Variants in CHRNA9 observed in about 807,000 individuals in gnomAD.
The protein encoded by CHRNA9 is cholinergic receptor nicotinic alpha 9 subunit, also known as neuronal acetylcholine receptor subunit alpha-9.
In CHRNA9, 24 loss-of-function variants were observed where a neutral mutation model predicts 36.8. The observed-to-expected ratio is 0.65, with a 90% CI of 0.47 to 0.92. CHRNA9 has a LOEUF of 0.92. CHRNA9 is among the 40% of genes least tolerant of loss of function. The pLI is 0.00. For missense variants in CHRNA9, 610 were observed against 601.2 expected (o/e 1.01, Z -0.15); for synonymous variants, 231 against 231.8 (o/e 1.00, Z 0.03).
At chr4:40,337,693 G>A (rs1300203681) in intron 3 of CHRNA9, among the ~76,000 whole-genome samples, 1 of 152,168 alleles carries the variant, frequency 6.6e-6, no homozygotes, top group Non-Finnish European at 1.5e-5. Flanking sequence ...CAGTTCTGGA[G>A]TTGAGATGCC....
rs1270071539 is a variant in CHRNA9 at position 40,354,575 on chromosome 4, TATTCCA to T, written c.*58_*63del. On this transcript the variant is annotated 3_prime_UTR_variant, in exon 5 of 5. Transcript: ENST00000310169. ...GAAATTAATACAATTCCCTGTGATCTATTCCAATGTTCTTCCAAGATTTTTGTTCAT... is the reference window on the plus strand; with the variant it reads ...GAAATTAATACAATTCCCTGTGATCTATGTTCTTCCAAGATTTTTGTTCAT... 7.3e-7 allele frequency: 1 copy of T among 1,370,172 alleles called. No individual in the cohort carries two copies. Among genetic ancestry groups the T allele is most frequent in the East Asian group, 2.3e-5 (1 of 43,342 alleles). The allele number at this position is 1,370,172 out of a possible 1,614,324, so 84.9% of individuals were successfully genotyped here.
intron 3 of CHRNA9, among the ~76,000 whole-genome samples, chr4:40,346,278 C>T (rs1452197383): frequency 6.6e-6 from 1 of 152,222 alleles, no homozygotes; most frequent in East Asian, 1.9e-4. Flanking sequence ...TCATGGTGAC[C>T]TACTTCATGC....
chr4:40,344,570 G>A (rs184993691), intron 3 of CHRNA9, among the ~76,000 whole-genome samples: 167 of 151,464 alleles, frequency 1.1e-3, no homozygotes, highest in African/African-American at 4.0e-3. Flanking sequence ...TTAGGTTTTT[G>A]GTAGTTTGCT....
intron 4 of CHRNA9, among the ~76,000 whole-genome samples, chr4:40,351,770 G>A (rs1029597169): frequency 5.3e-5 from 8 of 152,088 alleles, no homozygotes; most frequent in African/African-American, 1.9e-4. Flanking sequence ...CGTCAATGTC[G>A]TGAATTACAT....
intron 3 of CHRNA9, among the ~76,000 whole-genome samples, chr4:40,340,201 G>C (rs903013941): frequency 6.6e-6 from 1 of 152,070 alleles, no homozygotes; most frequent in Non-Finnish European, 1.5e-5. Flanking sequence ...TGTCCACATT[G>C]TCCCTTCCCC....
intron 4 of CHRNA9, among the ~76,000 whole-genome samples, 192 bp from the exon 5 acceptor site, chr4:40,353,787 C>G (rs1224761689): frequency 6.6e-6 from 1 of 152,216 alleles, no homozygotes; most frequent in Non-Finnish European, 1.5e-5. Flanking sequence ...CAGGCTACAC[C>G]ATTCAACCTA....
intron 4 of CHRNA9, among the ~76,000 whole-genome samples, chr4:40,351,173 A>T (rs1165429748): frequency 4.0e-5 from 6 of 151,336 alleles, no homozygotes; most frequent in Non-Finnish European, 7.4e-5. Flanking sequence ...CCCCATCTCT[A>T]TAAAAAGAAT....
intron 1 of CHRNA9, 94 bp downstream of exon 1, chr4:40,335,625 T>C (rs1712294207): frequency 2.7e-6 from 3 of 1,093,870 alleles, no homozygotes; most frequent in Admixed American, 1.8e-5. Context: ...AAACAGATGA[T>C]TCAACCGCAT....
chr4:40,352,557 A>G (rs1712833094), intron 4 of CHRNA9, among the ~76,000 whole-genome samples: 1 of 152,084 alleles, frequency 6.6e-6, no homozygotes, highest in Non-Finnish European at 1.5e-5. Flanking sequence ...ACTATTTTAT[A>G]AGTCTTTTCC....
intron 4 of CHRNA9, among the ~76,000 whole-genome samples, chr4:40,352,632 A>C (rs1034620779): frequency 2.0e-5 from 3 of 148,824 alleles, no homozygotes; most frequent in African/African-American, 7.4e-5. Flanking sequence ...TCTTATCAAA[A>C]GTTTATCAAT....
intron 3 of CHRNA9, chr4:40,347,898 TA>T (rs1242183251): frequency 6.6e-5 from 10 of 152,208 alleles, no homozygotes; most frequent in African/African-American, 2.4e-4. Context: ...ATGTACCAAT[TA>T]AGGCTCTTTG....
At position 40,354,248 on chromosome 4, in the gene CHRNA9, C is replaced by T. The variant is rs1406616134; in HGVS notation, c.1168C>T (p.Leu390Phe). The change falls in exon 5 of 5, where the codon CTT (leucine) becomes TTT (phenylalanine). Residue 390 changes from leucine (L) to phenylalanine (F), a missense_variant. Physicochemically the swap from Leu to Phe is conservative, Grantham distance 22. Coordinates refer to ENST00000310169, the MANE Select transcript of CHRNA9 (RefSeq NM_017581.4). ...CCTGAAAGCAGCCAGGAACAAAGAC[C>T]TTTCCAGAAAGAAGGACATGAACAA... ...SNLKAARNKD[L>F]SRKKDMNKRL... 20 of 1,614,190 alleles carry T rather than the reference C, an allele frequency of 1.2e-5. No individual in the cohort carries two copies. Among genetic ancestry groups the T allele is most frequent in the Non-Finnish European group, 1.7e-5 (20 of 1,180,032 alleles).
intron 4 of CHRNA9, among the ~76,000 whole-genome samples, chr4:40,353,057 T>C (rs1285448520): frequency 6.6e-6 from 1 of 152,106 alleles, no homozygotes; most frequent in African/African-American, 2.4e-5. Flanking sequence ...CACCCACCAC[T>C]TTACAGAGTA....
chr4:40,344,459 A>C (rs140861722), intron 3 of CHRNA9, among the ~76,000 whole-genome samples: 1 of 152,020 alleles, frequency 6.6e-6, no homozygotes, highest in African/African-American at 2.4e-5. Context: ...GCTTGAATCC[A>C]GGAGACGGAG....
Position 40,349,059 on chromosome 4 carries a change from T to C in CHRNA9, c.543T>C (p.Asn181=). The C allele has an allele frequency of 6.2e-7, 1 of 1,614,114 alleles. No homozygotes were observed. Among genetic ancestry groups the C allele is most frequent in the Non-Finnish European group, 8.5e-7 (1 of 1,180,004 alleles). Residue 181 remains asparagine (N), a synonymous_variant, in exon 4 of 5, where the codon AAT becomes AAC. Coordinates refer to ENST00000310169, the MANE Select transcript of CHRNA9 (RefSeq NM_017581.4). ...TTGGTTCCTGGACCTACAATGGCAA[T>C]CAGGTGGACATATTCAACGCCTTGG... The part of the protein sequence containing the change: ...LTFGSWTYNG[N]QVDIFNALDS...
Position 40,354,297 on chromosome 4 carries a change from G to C in CHRNA9, c.1217G>C (p.Cys406Ser), listed in dbSNP as rs376410059. ...AAACGCTTAAAGAACGACCTGGGCTGCCAGGGTAAGAACCCTCAGGAGGCC... is the reference window on the plus strand; with the variant it reads ...AAACGCTTAAAGAACGACCTGGGCTCCCAGGGTAAGAACCCTCAGGAGGCC... ...MNKRLKNDLG[C>S]QGKNPQEAES... The change falls in exon 5 of 5, where the codon TGC (cysteine) becomes TCC (serine). Residue 406 changes from cysteine to serine, a missense_variant. Transcript: ENST00000310169. 6 of 1,614,074 alleles carry C rather than the reference G, an allele frequency of 3.7e-6. No homozygotes were observed. The African/African-American group carries it at 8.0e-5, about 22-fold the overall frequency.
intron 3 of CHRNA9, among the ~76,000 whole-genome samples, chr4:40,346,388 C>T (rs1216730906): frequency 6.6e-6 from 1 of 152,144 alleles, no homozygotes; most frequent in African/African-American, 2.4e-5. Flanking sequence ...ATGAACAGTC[C>T]CTTTCTTAAA....
At chr4:40,347,648 A>G (rs1427931491) in intron 3 of CHRNA9, 1 of 152,174 alleles carries the variant, frequency 6.6e-6, no homozygotes, top group Non-Finnish European at 1.5e-5. Context: ...GAATTCCCTT[A>G]TACCCTTCAC....
chr4:40,349,266 C>A lies in CHRNA9; in HGVS notation c.750C>A (p.Leu250=), dbSNP rs1396882911. ...TCAACCTCCTCATCCCATGCGTCCT[C>A]ATATCTTTTCTGGCTCCTCTGAGTT... ...YIVNLLIPCV[L]ISFLAPLSFY... The change falls in exon 4 of 5, where the codon CTC becomes CTA. Residue 250 remains leucine, a synonymous_variant. Transcript: ENST00000310169. 6.2e-7 allele frequency: 1 copy of A among 1,614,054 alleles called. No homozygotes were observed. Among genetic ancestry groups the A allele is most frequent in the East Asian group, 2.2e-5 (1 of 44,904 alleles).
Sources: allele counts gnomAD v4.1 joint callset (sites outside exome capture counted in the v4.1 genomes callset), GRCh38; gene constraint gnomAD v4.1.1; transcripts MANE v1.5; gene names NCBI Gene and HGNC (gene_info 2026-07-23, HGNC 2026-07-21).